Variants in CIB4 observed in about 807,000 individuals in gnomAD.
The protein encoded by CIB4 is calcium and integrin-binding family member 4.
Under a neutral mutation model 25.8 loss-of-function variants are expected in CIB4, and 25 were observed. The ratio of observed to expected loss-of-function variants is 0.97; its 90% CI spans 0.71 to 1.35. CIB4 has a LOEUF of 1.35. Among genes scored for constraint, CIB4 ranks in the 40% most tolerant of loss-of-function variants. The pLI, the probability that CIB4 is intolerant of heterozygous loss-of-function variation, is 0.00. For synonymous variants in CIB4, 75 were observed against 81.4 expected (o/e 0.92, Z 0.42); for missense variants, 235 against 228.2 (o/e 1.03, Z -0.19).
At chr2:26,590,357 C>T (rs1252066857) in intron 4 of CIB4, among the ~76,000 whole-genome samples, 2 of 148,512 alleles carry the variant, frequency 1.3e-5, no homozygotes, top group South Asian at 2.1e-4. Flanking sequence ...GACGTTAAAG[C>T]ACAGAGGAAT....
At chr2:26,610,693 GC>G (rs1668981702) in intron 3 of CIB4, among the ~76,000 whole-genome samples, 1 of 152,210 alleles carries the variant, frequency 6.6e-6, no homozygotes, top group African/African-American at 2.4e-5. Flanking sequence ...GGAAACTGGT[GC>G]TTGTTAAATA....
At chr2:26,589,038 C>T (rs979959714) in intron 4 of CIB4, among the ~76,000 whole-genome samples, 2 of 46,572 alleles carry the variant, frequency 4.3e-5, no homozygotes, top group Non-Finnish European at 8.6e-5. Context: ...TCTTCTTCTT[C>T]TTCTTCTTCT....
At chr2:26,598,200 T>A (rs910058189) in intron 3 of CIB4, among the ~76,000 whole-genome samples, 11 of 151,380 alleles carry the variant, frequency 7.3e-5, no homozygotes, top group Non-Finnish European at 1.5e-4. Flanking sequence ...CTCGAGAGAC[T>A]GAGGCAGGAG....
Position 26,636,545 on chromosome 2 carries a change from C to T in CIB4, c.89+3988G>A, listed in dbSNP as rs1425445539. On this transcript the variant is annotated intron_variant, in intron 2 of 6. Transcript: ENST00000288861. Reference sequence around the variant, plus strand: ...CTGTCCTGCTGTCATCCTTCAGCTTCCCTTCACTATCTTCCTTGTAATTCG... The same window carrying T: ...CTGTCCTGCTGTCATCCTTCAGCTTTCCTTCACTATCTTCCTTGTAATTCG... 7.9e-5 allele frequency among the ~76,000 whole-genome samples: 12 copies of T among 152,256 alleles called. No individual in the cohort carries two copies. In the South Asian group the frequency reaches 2.5e-3, roughly 32 times the overall value.
intron 3 of CIB4, among the ~76,000 whole-genome samples, chr2:26,598,022 G>A (rs190663229): frequency 8.6e-5 from 13 of 151,928 alleles, no homozygotes; most frequent in East Asian, 1.9e-4. Flanking sequence ...TTTTTTGGCC[G>A]GGCACGGTGG....
chr2:26,622,069 A>C (rs1254967034), intron 3 of CIB4, among the ~76,000 whole-genome samples: 1 of 152,238 alleles, frequency 6.6e-6, no homozygotes, highest in Non-Finnish European at 1.5e-5. Context: ...ATAATAATAC[A>C]AAACATTGAG....
intron 2 of CIB4, among the ~76,000 whole-genome samples, chr2:26,637,794 C>G (rs554293597): frequency 6.6e-6 from 1 of 152,288 alleles, no homozygotes; most frequent in African/African-American, 2.4e-5. Flanking sequence ...GCTTCCCAGG[C>G]TGTGGTCTCC....
At chr2:26,597,062 GA>G (rs1001191904) in intron 3 of CIB4, among the ~76,000 whole-genome samples, 58 of 152,222 alleles carry the variant, frequency 3.8e-4, no homozygotes, top group African/African-American at 1.3e-3. Flanking sequence ...CTTTTCTAAA[GA>G]AACTCATGCT....
At chr2:26,599,207 A>G (rs2148200653) in intron 3 of CIB4, among the ~76,000 whole-genome samples, 1 of 152,322 alleles carries the variant, frequency 6.6e-6, no homozygotes, top group South Asian at 2.1e-4. Flanking sequence ...GTTTTGAACA[A>G]AGGGAATACA....
At chr2:26,615,628 T>A (rs1306026044) in intron 3 of CIB4, among the ~76,000 whole-genome samples, 2 of 152,186 alleles carry the variant, frequency 1.3e-5, no homozygotes, top group African/African-American at 4.8e-5. Flanking sequence ...CTTCCTCACC[T>A]GTGGGAGGTG....
In CIB4 at chr2:26,592,892, T is replaced by C. The variant is rs138874204; in HGVS notation, c.328+2284A>G. ...ACATCCTTGGGCATGATTATTGTGATGATTAATGGTACGTGTCAATTTGAC... is the reference window on the plus strand; with the variant it reads ...ACATCCTTGGGCATGATTATTGTGACGATTAATGGTACGTGTCAATTTGAC... On this transcript the variant is annotated intron_variant, in intron 4 of 6. Coordinates refer to ENST00000288861, the MANE Select transcript of CIB4 (RefSeq NM_001029881.3). 3.3e-5 allele frequency among the ~76,000 whole-genome samples: 5 copies of C among 152,348 alleles called. No homozygotes were observed. The East Asian group carries it at 7.7e-4, about 23-fold the overall frequency.
In CIB4 at chr2:26,595,156, C is replaced by G; in HGVS notation, c.328+20G>C. 4 of 1,596,342 alleles carry G rather than the reference C, an allele frequency of 2.5e-6. No homozygotes were observed. The highest frequency in any genetic ancestry group is 3.4e-6 in the Non-Finnish European group (4 of 1,165,308). On this transcript the variant is annotated intron_variant, in intron 4 of 6. Coordinates refer to ENST00000288861, the MANE Select transcript of CIB4 (RefSeq NM_001029881.3). Reference sequence around the variant, plus strand: ...TATGGCCTTTCCACCCCTCACCCCTCAGTCCCCCACAGCACCTACCATAGA... The same window carrying G: ...TATGGCCTTTCCACCCCTCACCCCTGAGTCCCCCACAGCACCTACCATAGA...
chr2:26,596,369 C>A (rs1271947115), intron 3 of CIB4, among the ~76,000 whole-genome samples: 1 of 152,160 alleles, frequency 6.6e-6, no homozygotes, highest in Non-Finnish European at 1.5e-5. Context: ...CCGGGTACTG[C>A]AGTCAGGAAG....
chr2:26,612,126 G>A (rs952295093), intron 3 of CIB4, among the ~76,000 whole-genome samples: 3 of 80,386 alleles, frequency 3.7e-5, no homozygotes, highest in African/African-American at 1.7e-4. Context: ...GGAGGCAGGA[G>A]CTTTTGCTTC....
At chr2:26,640,624 CT>C in intron 1 of CIB4, 57 bp from the exon 2 acceptor site, 18 of 1,562,612 alleles carry the variant, frequency 1.2e-5, no homozygotes, top group East Asian at 2.3e-5. Flanking sequence ...GCTGTGGCCC[CT>C]GGGGAGTGGC....
intron 2 of CIB4, among the ~76,000 whole-genome samples, chr2:26,632,618 C>G (rs961541368): frequency 6.6e-6 from 1 of 152,076 alleles, no homozygotes; most frequent in South Asian, 2.1e-4. Context: ...ATTAGCCCAG[C>G]ATGGTGGCGC....
At chr2:26,608,475 G>A (rs1668935357) in intron 3 of CIB4, among the ~76,000 whole-genome samples, 1 of 152,184 alleles carries the variant, frequency 6.6e-6, no homozygotes, top group African/African-American at 2.4e-5. Flanking sequence ...AGGCCCAAGA[G>A]TCTGTATCTG....
chr2:26,638,971 TAA>T (rs112290509), intron 2 of CIB4, among the ~76,000 whole-genome samples: 1 of 138,354 alleles, frequency 7.2e-6, no homozygotes, highest in Non-Finnish European at 1.6e-5. Context: ...CCCAAAAGCT[TAA>T]AAAAAAAAAA....
At position 26,629,453 on chromosome 2, in the gene CIB4, G is replaced by T; in HGVS notation, c.143C>A (p.Ala48Glu). 1 of 1,582,982 alleles carries T rather than the reference G, an allele frequency of 6.3e-7. No individual in the cohort carries two copies. The highest frequency in any genetic ancestry group is 8.6e-7 in the Non-Finnish European group (1 of 1,164,296). ...GCTGACCTGGTCCATGGTGAGCGTT[G>T]CCTCCTTGTAGTACTTCCCAGGAGG... ...LCPPGKYYKEATLTMDQVSSL... is the reference protein window; with the variant it reads ...LCPPGKYYKEETLTMDQVSSL... Residue 48 changes from alanine (A) to glutamate (E), a missense_variant, in exon 3 of 7, where the codon GCA (alanine) becomes GAA (glutamate). Ala to Glu is a moderately radical substitution (Grantham distance 107). Transcript: ENST00000288861.
Sources: gnomAD v4.1 joint callset for allele counts (sites outside exome capture counted in the v4.1 genomes callset) on GRCh38, gnomAD v4.1.1 for gene constraint, MANE v1.5 for transcripts, NCBI Gene and HGNC (gene_info 2026-07-23, HGNC 2026-07-21) for gene names.